Variants in MATN2 observed in about 807,000 individuals in gnomAD.
The protein encoded by MATN2 is matrilin-2.
MATN2 carries 69 observed loss-of-function variants against 103.2 expected under a neutral mutation model. That is an observed-to-expected ratio of 0.67 (90% CI 0.55 to 0.82). The LOEUF (loss-of-function observed/expected upper bound fraction) is 0.82. Ranked by LOEUF, MATN2 falls within the 40% of genes least tolerant of loss-of-function variation. The pLI is 0.00. For synonymous variants in MATN2, 429 were observed against 450.2 expected (o/e 0.95, Z 0.60); for missense variants, 1,023 against 1,211.5 (o/e 0.84, Z 2.31).
Position 98,033,569 on chromosome 8 carries a change from T to C in MATN2, c.2725T>C (p.Leu909=), listed in dbSNP as rs1563739445. 2.5e-6 allele frequency: 4 copies of C among 1,589,048 alleles called. No individual in the cohort carries two copies. Among genetic ancestry groups the C allele is most frequent in the Non-Finnish European group, 1.7e-6 (2 of 1,168,032 alleles). ...SHSTKPSGSP[L]EEKHDQCKCE... ...TCCATCTGCTTTCTCAGGAAGCCCT[T>C]TGGAAGAAAAACACGATCAATGCAA... The change falls in exon 18 of 19, where the codon TTG becomes CTG. Residue 909 remains leucine (L), a synonymous_variant. Coordinates refer to ENST00000254898, the MANE Select transcript of MATN2 (RefSeq NM_002380.5).
intron 5 of MATN2, among the ~76,000 whole-genome samples, chr8:97,969,364 C>T (rs1056692475): frequency 6.6e-6 from 1 of 152,196 alleles, no homozygotes; most frequent in African/African-American, 2.4e-5. Context: ...ATTTTCCTCA[C>T]CCATAATGTA....
chr8:97,954,668 C>A (rs982458690), intron 4 of MATN2, among the ~76,000 whole-genome samples: 39 of 152,150 alleles, frequency 2.6e-4, no homozygotes, highest in Admixed American at 2.5e-3. Flanking sequence ...TTGTTGTCCA[C>A]TGATTCACTG....
At chr8:97,941,660 T>C (rs1241846277) in intron 3 of MATN2, 117 bp from the exon 4 acceptor site, 3 of 1,200,620 alleles carry the variant, frequency 2.5e-6, no homozygotes, top group Admixed American at 2.1e-5. Context: ...GGACTGCAGC[T>C]TATTTCTCTG....
chr8:97,962,754 T>C (rs188870425), intron 5 of MATN2, among the ~76,000 whole-genome samples: 1 of 152,236 alleles, frequency 6.6e-6, no homozygotes, highest in Non-Finnish European at 1.5e-5. Flanking sequence ...TACCCGTTCA[T>C]AGAGAAACTT....
chr8:98,028,717 T>C (rs1023117509), intron 14 of MATN2, among the ~76,000 whole-genome samples: 1 of 152,032 alleles, frequency 6.6e-6, no homozygotes, highest in African/African-American at 2.4e-5. Context: ...CTCCTGAGTA[T>C]TGGGTACTAC....
intron 2 of MATN2, among the ~76,000 whole-genome samples, chr8:97,892,964 C>T (rs949282701): frequency 7.2e-5 from 11 of 152,202 alleles, no homozygotes; most frequent in East Asian, 1.9e-4. Flanking sequence ...TCCGATGTGG[C>T]GCTGGGTCTG....
intron 3 of MATN2, among the ~76,000 whole-genome samples, chr8:97,938,005 G>T (rs181251959): frequency 6.6e-6 from 1 of 152,122 alleles, no homozygotes; most frequent in Non-Finnish European, 1.5e-5. Flanking sequence ...CTCTCCCCAC[G>T]ATGCTGCCTG....
chr8:97,935,833 G>A (rs1325578585), intron 3 of MATN2, among the ~76,000 whole-genome samples: 1 of 152,166 alleles, frequency 6.6e-6, no homozygotes, highest in Non-Finnish European at 1.5e-5. Context: ...TCTGCAGGCA[G>A]AACTGAAAAT....
chr8:97,974,431 GTTTTGTTTTGTTT>G (rs1365677160), intron 5 of MATN2, among the ~76,000 whole-genome samples: 5 of 149,612 alleles, frequency 3.3e-5, no homozygotes, highest in African/African-American at 1.2e-4. Flanking sequence ...GAGCCTTTTT[GTTTTGTTTTGTTT>G]TTTTGTTTTG....
chr8:97,931,026 C>T lies in MATN2; in HGVS notation c.216C>T (p.Asp72=). The T allele has an allele frequency of 6.2e-7, 1 of 1,614,010 alleles. No individual in the cohort carries two copies. Residue 72 remains aspartate, a synonymous_variant, in exon 3 of 19, where the codon GAC becomes GAT. Coordinates refer to ENST00000254898, the MANE Select transcript of MATN2 (RefSeq NM_002380.5). The surrounding 1 kb of genome is among the most constrained non-coding windows in gnomAD (Gnocchi z 4.1). ...IDSSRSVNTH[D]YAKVKEFIVD... The stretch of plus-strand genomic sequence containing the variant: ...GCTCTCGCAGTGTCAACACCCATGA[C>T]TATGCAAAGGTCAAGGAGTTCATCG...
chr8:97,980,668 G>T (rs988425865), intron 6 of MATN2, among the ~76,000 whole-genome samples: 1 of 147,700 alleles, frequency 6.8e-6, no homozygotes, highest in Non-Finnish European at 1.5e-5. Flanking sequence ...GGGTTCAAGC[G>T]ATTCCCCCAC....
intron 2 of MATN2, among the ~76,000 whole-genome samples, chr8:97,902,554 G>A (rs997272226): frequency 6.6e-6 from 1 of 151,780 alleles, no homozygotes; most frequent in African/African-American, 2.4e-5. Context: ...AGTGCCCAGT[G>A]TTTTATTCTC....
chr8:97,961,110 G>T (rs1261062137), intron 4 of MATN2, among the ~76,000 whole-genome samples: 1 of 152,052 alleles, frequency 6.6e-6, no homozygotes, highest in Non-Finnish European at 1.5e-5. Context: ...CCACCGCATG[G>T]CTGAAAAATG....
At chr8:97,976,878 G>T (rs1431208092) in intron 5 of MATN2, among the ~76,000 whole-genome samples, 1 of 151,958 alleles carries the variant, frequency 6.6e-6, no homozygotes, top group Non-Finnish European at 1.5e-5. Flanking sequence ...GTATTAGTTT[G>T]CTAGAGCTAT....
chr8:97,871,347 G>T (rs1387372309), intron 1 of MATN2, among the ~76,000 whole-genome samples: 1 of 152,250 alleles, frequency 6.6e-6, no homozygotes, highest in African/African-American at 2.4e-5. Context: ...TTAGGCCTCA[G>T]GAAAAGCAGG....
intron 5 of MATN2, among the ~76,000 whole-genome samples, chr8:97,975,215 G>A (rs953768854): frequency 1.3e-5 from 2 of 152,206 alleles, no homozygotes; most frequent in African/African-American, 4.8e-5. Flanking sequence ...TATGGTCAGA[G>A]GGAATGAAAG....
chr8:97,950,284 A>G (rs1435316398), intron 4 of MATN2, among the ~76,000 whole-genome samples: 2 of 152,186 alleles, frequency 1.3e-5, no homozygotes, highest in Non-Finnish European at 2.9e-5. Context: ...TGAGAGAAGG[A>G]ATGTAAGCAG....
intron 5 of MATN2, 62 bp from the exon 6 acceptor site, chr8:97,978,824 T>C: frequency 1.3e-5 from 20 of 1,545,198 alleles, no homozygotes; most frequent in Non-Finnish European, 1.8e-5. Context: ...TTTGCCCTCA[T>C]CCTACCATTC....
chr8:97,941,787 G>A lies in MATN2; in HGVS notation c.723G>A (p.Met241Ile), dbSNP rs766160590. The A allele has an allele frequency of 1.8e-5, 29 of 1,599,338 alleles. No homozygotes were observed. In the East Asian group the frequency reaches 4.1e-4, roughly 22 times the overall value. The change falls in exon 4 of 19, where the codon ATG becomes ATA. Residue 241 changes from methionine (M) to isoleucine (I), a missense_variant. Coordinates refer to ENST00000254898, the MANE Select transcript of MATN2 (RefSeq NM_002380.5). ...VFQKKLCTAHMCSTLEHNCAH... is the reference protein window; with the variant it reads ...VFQKKLCTAHICSTLEHNCAH... ...TGTCTTCCCTTTCAGCGGCCCATATGTGCAGCACCCTGGAGCATAACTGTG... is the reference window on the plus strand; with the variant it reads ...TGTCTTCCCTTTCAGCGGCCCATATATGCAGCACCCTGGAGCATAACTGTG...
Sources: allele counts gnomAD v4.1 joint callset (sites outside exome capture counted in the v4.1 genomes callset), GRCh38; gene constraint gnomAD v4.1.1; non-coding constraint Gnocchi (gnomAD v3.1); transcripts MANE v1.5; gene names NCBI Gene and HGNC (gene_info 2026-07-23, HGNC 2026-07-21).